Variants in SOX6 observed in about 807,000 individuals in gnomAD.
SOX6 encodes SRY-box transcription factor 6.
SOX6 carries 11 observed loss-of-function variants against 97.8 expected under a neutral mutation model. The ratio of observed to expected loss-of-function variants is 0.11; its 90% confidence interval spans 0.07 to 0.19. The LOEUF is 0.19. Ranked by LOEUF, SOX6 falls within the 10% of genes least tolerant of loss-of-function variation. The probability of loss-of-function intolerance (pLI) is 1.00; values close to 1 mark genes in which losing one functional copy is unlikely to be tolerated. For synonymous variants in SOX6, 360 were observed against 371.4 expected (o/e 0.97, Z 0.35); for missense variants, 810 against 1,039.5 (o/e 0.78, Z 3.04).
At chr11:16,087,289 C>T (rs1357667228) in intron 9 of SOX6, among the ~76,000 whole-genome samples, 1 of 152,030 alleles carries the variant, frequency 6.6e-6, no homozygotes, top group East Asian at 1.9e-4. Flanking sequence ...ACTCATGTTT[C>T]TTTTAAAAAT....
At chr11:16,640,210 A>AT (rs1229284662) in intron 3 of SOX6, among the ~76,000 whole-genome samples, 2 of 152,148 alleles carry the variant, frequency 1.3e-5, no homozygotes, top group African/African-American at 4.8e-5. Flanking sequence ...GCTGGATTAC[A>AT]TTTATTGATT....
chr11:16,657,687 G>GT (rs1462445363), intron 3 of SOX6, among the ~76,000 whole-genome samples: 1 of 152,164 alleles, frequency 6.6e-6, no homozygotes, highest in East Asian at 1.9e-4. Flanking sequence ...CCTAATAAGT[G>GT]TATAGTGGTA....
intron 4 of SOX6, among the ~76,000 whole-genome samples, chr11:16,195,993 G>T (rs1851763575): frequency 1.3e-5 from 2 of 152,192 alleles, no homozygotes. Flanking sequence ...GCTTGGGACA[G>T]TTGCCCATAC....
At chr11:16,388,692 T>G (rs1858071070) in intron 1 of SOX6, among the ~76,000 whole-genome samples, 1 of 152,172 alleles carries the variant, frequency 6.6e-6, no homozygotes, top group African/African-American at 2.4e-5. Context: ...GTCTGTTTAA[T>G]ACCTGTAAGA....
intron 13 of SOX6, among the ~76,000 whole-genome samples, chr11:16,004,567 T>A (rs1311540512): frequency 6.6e-6 from 1 of 151,916 alleles, no homozygotes; most frequent in Non-Finnish European, 1.5e-5. Context: ...TTAGAGACAA[T>A]CCAATCTGAT....
At chr11:16,507,482 A>C (rs1357008181) in intron 4 of SOX6, among the ~76,000 whole-genome samples, 2 of 152,216 alleles carry the variant, frequency 1.3e-5, no homozygotes, top group Non-Finnish European at 2.9e-5. Flanking sequence ...AAAAAGAAAA[A>C]AGCTCAAGGC....
intron 6 of SOX6, among the ~76,000 whole-genome samples, chr11:16,134,222 A>T (rs974204085): frequency 6.6e-6 from 1 of 152,226 alleles, no homozygotes; most frequent in African/African-American, 2.4e-5. Flanking sequence ...GGCAGCTATT[A>T]AGGGGATGGT....
At chr11:16,271,750 C>A (rs543089262) in intron 3 of SOX6, among the ~76,000 whole-genome samples, 1 of 151,278 alleles carries the variant, frequency 6.6e-6, no homozygotes, top group African/African-American at 2.4e-5. Context: ...TTTTTGTTTT[C>A]AAGTTACTGA....
chr11:16,288,594 CCAGT>C (rs2134254565), intron 3 of SOX6, among the ~76,000 whole-genome samples: 1 of 151,778 alleles, frequency 6.6e-6, no homozygotes, highest in Non-Finnish European at 1.5e-5. Context: ...ATTTTAGAGC[CCAGT>C]CATTCATTTA....
chr11:16,185,550 G>A (rs964089038), intron 5 of SOX6, among the ~76,000 whole-genome samples: 4 of 152,144 alleles, frequency 2.6e-5, no homozygotes, highest in African/African-American at 9.7e-5. Flanking sequence ...CTCAAATTCT[G>A]AATTTTATTT....
At chr11:16,483,038 C>T (rs2133125971) in intron 4 of SOX6, among the ~76,000 whole-genome samples, 1 of 152,306 alleles carries the variant, frequency 6.6e-6, no homozygotes, top group East Asian at 1.9e-4. Flanking sequence ...AAAAAAGCAA[C>T]TAGCAATTTC....
intron 4 of SOX6, among the ~76,000 whole-genome samples, chr11:16,499,640 C>T (rs1166752815): frequency 6.6e-6 from 1 of 152,160 alleles, no homozygotes; most frequent in Non-Finnish European, 1.5e-5. Flanking sequence ...CACCACCGAT[C>T]CCACAGAAAT....
intron 4 of SOX6, among the ~76,000 whole-genome samples, chr11:16,581,968 A>G (rs1363764054): frequency 1.3e-5 from 2 of 151,966 alleles, no homozygotes; most frequent in African/African-American, 4.8e-5. Context: ...CTCAAAAAAA[A>G]AAAAAAAAAG....
chr11:16,295,728 C>A (rs547702522), intron 3 of SOX6, among the ~76,000 whole-genome samples: 29 of 152,170 alleles, frequency 1.9e-4, no homozygotes, highest in Middle Eastern at 3.4e-3. Flanking sequence ...TTTTAATTTA[C>A]CAAAAGAGCT....
chr11:16,138,864 T>C (rs916689586), intron 6 of SOX6, among the ~76,000 whole-genome samples: 7 of 152,328 alleles, frequency 4.6e-5, no homozygotes, highest in South Asian at 4.1e-4. Context: ...TCCTTGTCCC[T>C]ACAAAGGACA....
At chr11:16,560,174 G>T (rs1847792341) in intron 4 of SOX6, among the ~76,000 whole-genome samples, 1 of 152,124 alleles carries the variant, frequency 6.6e-6, no homozygotes, top group Non-Finnish European at 1.5e-5. Context: ...TGTTATGGTG[G>T]ATGCACACAA....
At chr11:15,979,647 CTATT>C (rs1853604255) in intron 15 of SOX6, among the ~76,000 whole-genome samples, 1 of 152,000 alleles carries the variant, frequency 6.6e-6, no homozygotes, top group South Asian at 2.1e-4. Flanking sequence ...TCATTCTGGC[CTATT>C]TATTTCTTCT....
At chr11:16,026,301 A>AT (rs1477402365) in intron 12 of SOX6, among the ~76,000 whole-genome samples, 1 of 152,086 alleles carries the variant, frequency 6.6e-6, no homozygotes, top group African/African-American at 2.4e-5. Flanking sequence ...AAAACAATGC[A>AT]TTTTTTTCAA....
In SOX6 at chr11:16,258,277, T is replaced by A. The variant is rs1315850034; in HGVS notation, c.446-23606A>T. 2.0e-5 allele frequency among the ~76,000 whole-genome samples: 3 copies of A among 152,030 alleles called. No homozygotes were observed. In the East Asian group the frequency reaches 5.8e-4, roughly 29 times the overall value. ...CACAGAAATGTTTATAGCAGCTTCA[T>A]TCATAATTGCTCGAACCTGGAAACA... is the stretch of plus-strand genomic sequence containing the variant. On this transcript the variant is annotated intron_variant, in intron 3 of 15. Coordinates refer to ENST00000683767, the MANE Select transcript of SOX6 (RefSeq NM_001367873.1).
Sources: allele counts gnomAD v4.1 joint callset (sites outside exome capture counted in the v4.1 genomes callset), GRCh38; gene constraint gnomAD v4.1.1; transcripts MANE v1.5; gene names NCBI Gene and HGNC (gene_info 2026-07-23, HGNC 2026-07-21).